VPS13C: variants seen among roughly 807,000 people sequenced by gnomAD.
The protein encoded by VPS13C is intermembrane lipid transfer protein VPS13C.
VPS13C carries 358 observed loss-of-function variants against 456.8 expected under a neutral mutation model. The observed-to-expected ratio is 0.78, with a 90% CI of 0.72 to 0.86. The LOEUF is 0.86. Ranked by LOEUF, VPS13C falls within the 40% of genes least tolerant of loss-of-function variation. The pLI is 0.00. For synonymous variants in VPS13C, 1,578 were observed against 1,486.7 expected, an observed-to-expected ratio of 1.06 and a Z score of -1.41; for missense variants, 4,818 against 4,385.4, an observed-to-expected ratio of 1.10 and a Z score of -2.79.
At chr15:62,046,169 A>C (rs1352448838) in intron 1 of VPS13C, among the ~76,000 whole-genome samples, 1 of 152,172 alleles carries the variant, frequency 6.6e-6, no homozygotes, top group African/African-American at 2.4e-5. Context: ...AGTATATAGT[A>C]GGAGGGAAAT....
At chr15:62,034,677 G>A (rs943334129) in intron 4 of VPS13C, among the ~76,000 whole-genome samples, 1 of 151,752 alleles carries the variant, frequency 6.6e-6, no homozygotes, top group African/African-American at 2.4e-5. Flanking sequence ...GCCTAATGCA[G>A]CTCAACAGGA....
At chr15:61,958,417 C>T (rs2045080731) in intron 37 of VPS13C, among the ~76,000 whole-genome samples, 191 bp downstream of exon 37, 1 of 152,092 alleles carries the variant, frequency 6.6e-6, no homozygotes, top group African/African-American at 2.4e-5. Context: ...AAAACTATAA[C>T]TGACAACTTA....
In VPS13C at chr15:62,000,593, T is replaced by C; in HGVS notation, c.1324A>G (p.Ile442Val). ...LEKTLDVFNI[I>V]LARQQAQVEV... is the part of the protein sequence containing the mutation. Reference sequence around the variant, plus strand: ...ACTTGTGCTTGTTGCCTTGCTAAAATTATGTTAAAAACATCTAGAGTCTTC... The same window carrying C: ...ACTTGTGCTTGTTGCCTTGCTAAAACTATGTTAAAAACATCTAGAGTCTTC... The change falls in exon 16 of 85, where the codon ATT (isoleucine) becomes GTT (valine). Residue 442 changes from isoleucine (I) to valine (V), a missense_variant. By Grantham distance (29) the Ile-to-Val change is conservative. This residue lies in a region of VPS13C where 4,552 missense variants were observed against 4,130.6 expected (regional missense o/e 1.10). Coordinates refer to ENST00000644861, the MANE Select transcript of VPS13C (RefSeq NM_020821.3). 6.2e-7 allele frequency: 1 copy of C among 1,608,688 alleles called. No homozygotes were observed. The highest frequency in any genetic ancestry group is 8.5e-7 in the Non-Finnish European group (1 of 1,178,328).
chr15:62,006,100 A>T (rs547542714), intron 15 of VPS13C, among the ~76,000 whole-genome samples: 131 of 113,108 alleles, frequency 1.2e-3, no homozygotes, highest in African/African-American at 3.3e-3. Context: ...AGAAATTCTT[A>T]TTTTTTTTTT....
At chr15:62,049,503 T>C (rs1307149524) in intron 1 of VPS13C, among the ~76,000 whole-genome samples, 1 of 152,240 alleles carries the variant, frequency 6.6e-6, no homozygotes, top group East Asian at 1.9e-4. Context: ...TTGGTTACTG[T>C]AGCCTTGCAA....
rs1442267865 is a variant in VPS13C, at chr15:61,890,207, T to C, written c.9299A>G (p.Asn3100Ser). ...GGAAACTTCCTGCTTGCTTTCATTG[T>C]TAACCAGTGAAAGCCCAAGACTGTG... ...SLHSLGLSLVNNESKQEVSYI... is the reference protein window; with the variant it reads ...SLHSLGLSLVSNESKQEVSYI... The change falls in exon 67 of 85, where the codon AAC becomes AGC. Residue 3100 changes from asparagine to serine, a missense_variant. By Grantham distance (46) the Asn-to-Ser change is conservative. Transcript: ENST00000644861. 1.2e-6 allele frequency: 2 copies of C among 1,614,010 alleles called. No individual in the cohort carries two copies. Among genetic ancestry groups the C allele is most frequent in the East Asian group, 2.2e-5 (1 of 44,882 alleles).
At chr15:62,000,653 C>A (rs370333359) in intron 15 of VPS13C, 27 bp from the exon 16 acceptor site, 10 of 1,571,238 alleles carry the variant, frequency 6.4e-6, no homozygotes, top group Admixed American at 2.0e-5. Context: ...CACTTATAAA[C>A]AAGAAATTTA....
intron 9 of VPS13C, among the ~76,000 whole-genome samples, chr15:62,014,722 A>T (rs1463514647): frequency 6.6e-6 from 1 of 152,182 alleles, no homozygotes; most frequent in Non-Finnish European, 1.5e-5. Context: ...ATCATCACAA[A>T]AACACTAAAA....
At chr15:61,859,314 G>A (rs72747855) in intron 82 of VPS13C, among the ~76,000 whole-genome samples, 10,976 of 152,142 alleles carry the variant, frequency 0.072, 620 homozygotes, top group East Asian at 0.21. Context: ...AGTGAATCAC[G>A]ATCGAGCCAC....
chr15:62,001,455 A>AT (rs1334178762), intron 15 of VPS13C, among the ~76,000 whole-genome samples: 2 of 152,196 alleles, frequency 1.3e-5, no homozygotes, highest in African/African-American at 4.8e-5. Flanking sequence ...CATTAAGCAA[A>AT]TTATGTATCC....
intron 66 of VPS13C, among the ~76,000 whole-genome samples, chr15:61,902,523 T>G (rs576258605): frequency 6.7e-6 from 1 of 149,566 alleles, no homozygotes; most frequent in Admixed American, 6.6e-5. Flanking sequence ...AGATTCATCC[T>G]AGGGATGCAA....
intron 35 of VPS13C, among the ~76,000 whole-genome samples, chr15:61,961,130 T>G (rs1271465563): frequency 6.6e-6 from 1 of 151,506 alleles, no homozygotes; most frequent in African/African-American, 2.4e-5. Flanking sequence ...GGCTCACACC[T>G]GTAATCCCAG....
intron 82 of VPS13C, 114 bp from the exon 83 acceptor site, chr15:61,856,523 A>C: frequency 1.6e-6 from 2 of 1,239,278 alleles, no homozygotes; most frequent in Non-Finnish European, 2.2e-6. Flanking sequence ...AACAATATAA[A>C]CTGGCACTAA....
In VPS13C at chr15:61,927,758, G is replaced by A. The variant is rs564046182; in HGVS notation, c.6287-438C>T. On this transcript the variant is annotated intron_variant, in intron 51 of 84. Coordinates refer to ENST00000644861, the MANE Select transcript of VPS13C (RefSeq NM_020821.3). ...ACACATGCACACGTATGTTTATTGCGGCACTATTCACAACAGCAAAGACTT... is the reference window on the plus strand; with the variant it reads ...ACACATGCACACGTATGTTTATTGCAGCACTATTCACAACAGCAAAGACTT... Among the ~76,000 whole-genome samples the A allele has an allele frequency of 3.7e-3, 564 of 152,150 alleles. 2 individuals are homozygous for A. Among genetic ancestry groups the A allele is most frequent in the African/African-American group, 0.013 (528 of 41,488 alleles).
chr15:61,967,801 T>C (rs1427278030), intron 28 of VPS13C, among the ~76,000 whole-genome samples: 2 of 152,036 alleles, frequency 1.3e-5, no homozygotes, highest in African/African-American at 4.8e-5. Context: ...GTTTTTGTTT[T>C]TTTTCCTTAA....
intron 66 of VPS13C, among the ~76,000 whole-genome samples, chr15:61,900,708 C>A (rs1317061216): frequency 6.6e-6 from 1 of 151,224 alleles, no homozygotes. Context: ...AGATTCAATG[C>A]CATCCCCATC....
intron 50 of VPS13C, among the ~76,000 whole-genome samples, chr15:61,930,605 G>C (rs1382677990): frequency 6.6e-6 from 1 of 152,158 alleles, no homozygotes; most frequent in Non-Finnish European, 1.5e-5. Context: ...TTTAGAATGA[G>C]CTAATATAAC....
intron 47 of VPS13C, among the ~76,000 whole-genome samples, chr15:61,937,844 T>C (rs921983397): frequency 2.6e-5 from 4 of 152,286 alleles, no homozygotes; most frequent in African/African-American, 9.6e-5. Flanking sequence ...ACGAAACTGC[T>C]ACTGGCTGCT....
At chr15:62,022,329 T>C (rs2047492375) in intron 8 of VPS13C, among the ~76,000 whole-genome samples, 1 of 151,912 alleles carries the variant, frequency 6.6e-6, no homozygotes, top group African/African-American at 2.4e-5. Context: ...GATTTTTAGA[T>C]TCTGAGGAAA....
Sources: gnomAD v4.1 joint callset for allele counts (sites outside exome capture counted in the v4.1 genomes callset) on GRCh38, gnomAD v4.1.1 for gene constraint, gnomAD v4.1.1 regional missense constraint, MANE v1.5 for transcripts, NCBI Gene and HGNC (gene_info 2026-07-23, HGNC 2026-07-21) for gene names.